DUSP8: variants seen among roughly 807,000 people sequenced by gnomAD.
DUSP8 encodes dual specificity protein phosphatase 8.
In DUSP8, 15 loss-of-function variants were observed where a neutral mutation model predicts 38.7. The ratio of observed to expected loss-of-function variants is 0.39; its 90% CI spans 0.26 to 0.60. DUSP8 has a LOEUF of 0.60. Among genes scored for constraint, DUSP8 ranks in the 20% least tolerant of loss-of-function variants. The pLI is 0.56. For missense variants in DUSP8, 768 were observed against 915.0 expected, an observed-to-expected ratio of 0.84 and a Z score of 2.07; for synonymous variants, 458 against 433.9, an observed-to-expected ratio of 1.06 and a Z score of -0.69.
rs1848668728 is a variant in DUSP8, at chr11:1,558,359, G to A, written c.538-88C>T. ...GAGGCTTTTCCTGCCCTGCCGTCAG[G>A]AGGGCCTTTAGAATCCTGGGAGCCT... On this transcript the variant is annotated intron_variant, in intron 4 of 6. Coordinates refer to ENST00000397374, the MANE Select transcript of DUSP8 (RefSeq NM_004420.3). The surrounding 1 kb of genome is among the most constrained non-coding windows in gnomAD (Gnocchi z 6.3). 8.6e-7 allele frequency: 1 copy of A among 1,162,216 alleles called. No individual in the cohort carries two copies. Among genetic ancestry groups the A allele is most frequent in the East Asian group, 2.6e-5 (1 of 39,064 alleles). The allele number at this position is 1,162,216 out of a possible 1,614,324, so 72.0% of individuals were successfully genotyped here.
intron 1 of DUSP8, among the ~76,000 whole-genome samples, chr11:1,566,963 G>A (rs571161150): frequency 6.6e-6 from 1 of 152,144 alleles, no homozygotes; most frequent in Non-Finnish European, 1.5e-5. Flanking sequence ...GCCAGGACTG[G>A]CCTTCCTCTG....
chr11:1,572,435 G>C (rs1292914287), upstream of DUSP8, among the ~76,000 whole-genome samples: 5 of 149,990 alleles, frequency 3.3e-5, no homozygotes, highest in African/African-American at 1.2e-4. The surrounding 1 kb of genome is among the most constrained non-coding windows in gnomAD (Gnocchi z 4.7). Flanking sequence ...GCCGCGGGGG[G>C]GGGGCGGGGT....
At position 1,558,282 on chromosome 11, in the gene DUSP8, G is replaced by A. The variant is rs750526917; in HGVS notation, c.538-11C>T. ...TTGCGTCATCAGATCCTGGAGGGGC[G>A]GGAGGGCGGGTTGGAAAGGGGTGGG... On this transcript the variant is annotated splice_polypyrimidine_tract_variant and intron_variant, in intron 4 of 6. Transcript: ENST00000397374. The surrounding 1 kb of genome is among the most constrained non-coding windows in gnomAD (Gnocchi z 6.3). 19 of 1,364,302 alleles carry A rather than the reference G, an allele frequency of 1.4e-5. 1 individual carries two copies. Among genetic ancestry groups the A allele is most frequent in the African/African-American group, 2.8e-5 (2 of 70,194 alleles). The allele number at this position is 1,364,302 out of a possible 1,614,324, so 84.5% of individuals were successfully genotyped here. A position where few individuals can be genotyped will look rare whatever the true frequency, so the allele number is the denominator to read the frequency against.
intron 1 of DUSP8, chr11:1,571,648 G>A (rs1020642403): frequency 1.1e-4 from 16 of 152,378 alleles, no homozygotes; most frequent in Non-Finnish European, 1.5e-5. Context: ...GCGGGGAGAA[G>A]GGCGGCAACG....
At chr11:1,559,162 C>T in intron 3 of DUSP8, 107 bp from the exon 4 acceptor site, 1 of 1,167,566 alleles carries the variant, frequency 8.6e-7, no homozygotes, top group Non-Finnish European at 1.2e-6. Context: ...GAGGATCAGT[C>T]ACACCCAGCC....
At chr11:1,560,661 G>A (rs1848704932) in intron 3 of DUSP8, among the ~76,000 whole-genome samples, 1 of 152,250 alleles carries the variant, frequency 6.6e-6, no homozygotes, top group African/African-American at 2.4e-5. Flanking sequence ...CCCCTGAGCA[G>A]AGGCTGGGAT....
Position 1,554,641 on chromosome 11 carries a change from A to C in DUSP8, c.*1877T>G. The C allele has an allele frequency of 1.0e-6, 1 of 987,302 alleles. No homozygotes were observed. The highest frequency in any genetic ancestry group is 1.2e-6 in the Non-Finnish European group (1 of 829,654). 61.2% of individuals were successfully genotyped at this position (987,302 alleles called of 1,614,324 possible). A position where few individuals can be genotyped will look rare whatever the true frequency, so the allele number is the denominator to read the frequency against. On this transcript the variant is annotated 3_prime_UTR_variant, in exon 7 of 7. Transcript: ENST00000397374. The stretch of plus-strand genomic sequence containing the variant: ...TGCAGAAGGGACAAGGGGAAGGGGG[A>C]AGGGAGAAGGGGGCCCAACCAGTGG...
upstream of DUSP8, among the ~76,000 whole-genome samples, chr11:1,572,308 G>T (rs1454537538): frequency 1.3e-5 from 2 of 149,722 alleles, no homozygotes; most frequent in African/African-American, 4.9e-5. The surrounding 1 kb of genome is among the most constrained non-coding windows in gnomAD (Gnocchi z 4.7). Context: ...CGCCGGCGGG[G>T]ATGAGGTCAT....
Position 1,557,502 on chromosome 11 carries a change from G to T in DUSP8, c.894C>A (p.Arg298=). ...NFLGQLLEYE[R]SLKLLAALQG... Reference sequence around the variant, plus strand: ...GCAGGGCGGCCAGCAGCTTCAGGCTGCGCTCGTACTCCAGCAGCTGGCCCA... The same window carrying T: ...GCAGGGCGGCCAGCAGCTTCAGGCTTCGCTCGTACTCCAGCAGCTGGCCCA... Residue 298 remains arginine, a synonymous_variant, in exon 7 of 7, where the codon CGC becomes CGA. Transcript: ENST00000397374. The surrounding 1 kb of genome is among the most constrained non-coding windows in gnomAD (Gnocchi z 9.9). 1 of 1,587,126 alleles carries T rather than the reference G, an allele frequency of 6.3e-7. No homozygotes were observed. The highest frequency in any genetic ancestry group is 1.1e-5 in the South Asian group (1 of 89,318).
chr11:1,568,493 G>T (rs1848840067), intron 1 of DUSP8, among the ~76,000 whole-genome samples: 1 of 152,182 alleles, frequency 6.6e-6, no homozygotes, highest in African/African-American at 2.4e-5. Flanking sequence ...AGCCGAAGGG[G>T]ATTCATTAGC....
upstream of DUSP8, chr11:1,572,720 C>G (rs1411766390): frequency 6.6e-6 from 1 of 152,192 alleles, no homozygotes; most frequent in Non-Finnish European, 1.5e-5. The surrounding 1 kb of genome is among the most constrained non-coding windows in gnomAD (Gnocchi z 4.7). Flanking sequence ...GGCGCTGGGC[C>G]GCCGCCGGGG....
chr11:1,557,787 G>GT lies in DUSP8; in HGVS notation c.821+6dup. ...AGCCACAAGTGCGCGACTGGGGAAG[G>GT]TGGTACCTGTAGGCGTCGTCGGAGG... On this transcript the variant is annotated splice_region_variant and intron_variant, in intron 6 of 6. Transcript: ENST00000397374. This position sits in a 1 kb window ranked among gnomAD's most constrained non-coding sequence, Gnocchi z 9.9. 2 of 1,612,642 alleles carry GT rather than the reference G, an allele frequency of 1.2e-6. No individual in the cohort carries two copies. Among genetic ancestry groups the GT allele is most frequent in the Non-Finnish European group, 1.7e-6 (2 of 1,179,972 alleles).
intron 3 of DUSP8, 196 bp from the exon 4 acceptor site, chr11:1,559,251 C>T (rs1025118925): frequency 2.4e-5 from 13 of 543,274 alleles, no homozygotes; most frequent in Non-Finnish European, 3.8e-5. Context: ...GGGGTACTGC[C>T]ACACATTTAC....
In DUSP8 at chr11:1,572,085, G is replaced by T. The variant is rs1250890275; in HGVS notation, c.-293C>A. Among the ~76,000 whole-genome samples, 2 of 145,350 alleles carry T rather than the reference G, an allele frequency of 1.4e-5. No individual in the cohort carries two copies. Among genetic ancestry groups the T allele is most frequent in the East Asian group, 4.1e-4 (2 of 4,920 alleles). On this transcript the variant is annotated 5_prime_UTR_variant, in exon 1 of 7. Coordinates refer to ENST00000397374, the MANE Select transcript of DUSP8 (RefSeq NM_004420.3). This position sits in a 1 kb window ranked among gnomAD's most constrained non-coding sequence, Gnocchi z 4.7. ...AACGCCGCGGGGAGCGCTCGCTCGG[G>T]CCGGGGCGCGCGCACTGCGGGCGGG...
rs547542011 is a variant in DUSP8 at position 1,555,415 on chromosome 11, G to A, written c.*1103C>T. 1,140 of 986,556 alleles carry A rather than the reference G, an allele frequency of 1.2e-3. 1 individual carries two copies. The highest frequency in any genetic ancestry group is 2.8e-3 in the Admixed American group (45 of 16,274). 61.1% of individuals were successfully genotyped at this position (986,556 alleles called of 1,614,324 possible). A position where few individuals can be genotyped will look rare whatever the true frequency, so the allele number is the denominator to read the frequency against. On this transcript the variant is annotated 3_prime_UTR_variant, in exon 7 of 7. Transcript: ENST00000397374. ...GGCGCCTGAACTCCCTGTGTGAGCAGCACCTGCTCACAGAGCCCCTCAGCC... is the reference window on the plus strand; with the variant it reads ...GGCGCCTGAACTCCCTGTGTGAGCAACACCTGCTCACAGAGCCCCTCAGCC...
Position 1,557,913 on chromosome 11 carries a change from T to G in DUSP8, c.702A>C (p.Lys234Asn). The G allele has an allele frequency of 6.2e-7, 1 of 1,613,844 alleles. No homozygotes were observed. The highest frequency in any genetic ancestry group is 8.5e-7 in the Non-Finnish European group (1 of 1,179,980). Residue 234 changes from lysine to asparagine, a missense_variant, in exon 6 of 7, where the codon AAA becomes AAC. Lys to Asn is a moderately conservative substitution (Grantham distance 94). Around this residue, in one of 3 missense-constraint regions of DUSP8, gnomAD observed 252 missense variants for 410.4 expected, o/e 0.61. Transcript: ENST00000397374. The surrounding 1 kb of genome is among the most constrained non-coding windows in gnomAD (Gnocchi z 9.9). ...WLDKSIEFID[K>N]AKLSSCQVIV... ...TGACTTGGCAGCTGGAGAGCTTGGC[T>G]TTATCTGGGCAGGTGGGCCATGGGG...
At chr11:1,564,767 T>C (rs566816056) in intron 2 of DUSP8, among the ~76,000 whole-genome samples, 1 of 152,310 alleles carries the variant, frequency 6.6e-6, no homozygotes, top group East Asian at 1.9e-4. Context: ...ATTCCCCTTG[T>C]TGGAAACCAA....
At chr11:1,570,508 G>A (rs1848871369) in intron 1 of DUSP8, among the ~76,000 whole-genome samples, 1 of 128,658 alleles carries the variant, frequency 7.8e-6, no homozygotes, top group Non-Finnish European at 1.9e-5. Context: ...CCCAGCCTGA[G>A]AAGAGAAGGG....
At chr11:1,570,899 CG>C (rs1346678219) in intron 1 of DUSP8, among the ~76,000 whole-genome samples, 1 of 152,098 alleles carries the variant, frequency 6.6e-6, no homozygotes, top group Non-Finnish European at 1.5e-5. Context: ...TCAGACCCCC[CG>C]CTGGGGCACA....
Sources: gnomAD v4.1 joint callset for allele counts (sites outside exome capture counted in the v4.1 genomes callset) on GRCh38, gnomAD v4.1.1 for gene constraint, gnomAD v4.1.1 regional missense constraint, Gnocchi (gnomAD v3.1) non-coding constraint, MANE v1.5 for transcripts, NCBI Gene and HGNC (gene_info 2026-07-23, HGNC 2026-07-21) for gene names.